The following PLA2G6 variants were observed in gnomAD, a reference collection of about 807,000 sequenced individuals.
PLA2G6 encodes 85/88 kDa calcium-independent phospholipase A2.
PLA2G6 carries 62 observed loss-of-function variants against 83.8 expected under a neutral mutation model. The observed-to-expected ratio is 0.74, with a 90% confidence interval of 0.60 to 0.91. The LOEUF is 0.91. Ranked by LOEUF, PLA2G6 falls within the 40% of genes least tolerant of loss-of-function variation. The pLI, the probability that PLA2G6 is intolerant of heterozygous loss-of-function variation, is 0.00. For synonymous variants in PLA2G6, 417 were observed against 449.8 expected (o/e 0.93, Z 0.92); for missense variants, 944 against 1,102.0 (o/e 0.86, Z 2.03).
At chr22:38,148,547 C>A (rs1329614780) in intron 2 of PLA2G6, 13 of 717,108 alleles carry the variant, frequency 1.8e-5, no homozygotes, top group Non-Finnish European at 3.4e-5. Context: ...GTGGCTGTTA[C>A]TGGAGAGGAT....
At position 38,128,894 on chromosome 22, in the gene PLA2G6, C is replaced by CACACGTGTGCACTGGCACAG; in HGVS notation, c.1187-465_1187-464insCTGTGCCAGTGCACACGTGT. Among the ~76,000 whole-genome samples, 1 of 152,258 alleles carries CACACGTGTGCACTGGCACAG rather than the reference C, an allele frequency of 6.6e-6. No individual in the cohort carries two copies. Among genetic ancestry groups the CACACGTGTGCACTGGCACAG allele is most frequent in the South Asian group, 2.1e-4 (1 of 4,836 alleles). On this transcript the variant is annotated intron_variant, in intron 8 of 16. Coordinates refer to ENST00000332509, the MANE Select transcript of PLA2G6 (RefSeq NM_003560.4). This position sits in a 1 kb window ranked among gnomAD's most constrained non-coding sequence, Gnocchi z 4.4. ...AGACACACACGTGTGCACTGGCACACACACACTGCTGCCATCAGGTACCTG... is the reference window on the plus strand; with the variant it reads ...AGACACACACGTGTGCACTGGCACACACACGTGTGCACTGGCACAGACACACTGCTGCCATCAGGTACCTG...
intron 2 of PLA2G6, among the ~76,000 whole-genome samples, chr22:38,160,885 TA>T (rs1347000005): frequency 1.3e-5 from 2 of 152,092 alleles, no homozygotes; most frequent in Non-Finnish European, 2.9e-5. Flanking sequence ...AGTTATTGGT[TA>T]CCCTTCTTTG....
chr22:38,113,651 G>C lies in PLA2G6; in HGVS notation c.2038C>G (p.Gln680Glu). The C allele has an allele frequency of 1.2e-6, 2 of 1,613,618 alleles. No homozygotes were observed. The highest frequency in any genetic ancestry group is 1.7e-6 in the Non-Finnish European group (2 of 1,179,982). Residue 680 changes from glutamine to glutamate, a missense_variant, in exon 15 of 17, where the codon CAG (glutamine) becomes GAG (glutamate). Transcript: ENST00000332509. The part of the protein sequence containing the change: ...EYNQDLIRKG[Q>E]ANKVKKLSIV... Reference sequence around the variant, plus strand: ...GAGAGTTTCTTCACCTTGTTGGCCTGACCCTGTTGGGAACAGGACAGGGGC... The same window carrying C: ...GAGAGTTTCTTCACCTTGTTGGCCTCACCCTGTTGGGAACAGGACAGGGGC...
intron 14 of PLA2G6, 103 bp downstream of exon 14, chr22:38,115,422 TAA>T: frequency 9.4e-7 from 1 of 1,061,176 alleles, no homozygotes; most frequent in Non-Finnish European, 1.4e-6. Context: ...AGTGCGTGTG[TAA>T]AAGCCACCTG....
chr22:38,169,401 T>C lies in PLA2G6; in HGVS notation c.26A>G (p.Asn9Ser), dbSNP rs149163431. ...CAAGTTGGTGACGCCACTGAAGGTA[T>C]TGACCAGGCGGCCAAAGAACTGCAT... MQFFGRLV[N>S]TFSGVTNLFS... The change falls in exon 2 of 17, where the codon AAT becomes AGT. Residue 9 changes from asparagine to serine, a missense_variant. Physicochemically the swap from Asn to Ser is conservative, Grantham distance 46. Transcript: ENST00000332509. 100 of 1,614,080 alleles carry C rather than the reference T, an allele frequency of 6.2e-5. No individual in the cohort carries two copies. The highest frequency in any genetic ancestry group is 1.0e-4 in the Admixed American group (6 of 60,000).
chr22:38,138,739 A>G (rs5750543), intron 5 of PLA2G6: 128,735 of 152,168 alleles, frequency 0.85, 55,040 homozygotes, highest in East Asian at 0.96. Flanking sequence ...GCACAATCTC[A>G]AATCACTGCA....
chr22:38,132,495 T>C lies in PLA2G6; in HGVS notation c.1077+336A>G. 1 of 439,724 alleles carries C rather than the reference T, an allele frequency of 2.3e-6. No homozygotes were observed. The highest frequency in any genetic ancestry group is 4.2e-6 in the Non-Finnish European group (1 of 239,824). The allele number at this position is 439,724 out of a possible 1,614,324, so 27.2% of individuals were successfully genotyped here. ...AGTATTGACACCACCATTTTCCAGA[T>C]GAGGAAATCGAGGCTGACAGGTGAC... On this transcript the variant is annotated intron_variant, in intron 7 of 16. Coordinates refer to ENST00000332509, the MANE Select transcript of PLA2G6 (RefSeq NM_003560.4). The surrounding 1 kb of genome is among the most constrained non-coding windows in gnomAD (Gnocchi z 5.0).
At chr22:38,126,876 G>T in intron 9 of PLA2G6, 1 of 432,278 alleles carries the variant, frequency 2.3e-6, no homozygotes, top group Non-Finnish European at 3.7e-6. Context: ...CTCTAAGAGG[G>T]TCCATAATTC....
chr22:38,178,182 G>C (rs1202714826), intron 1 of PLA2G6, among the ~76,000 whole-genome samples: 1 of 152,150 alleles, frequency 6.6e-6, no homozygotes, highest in Non-Finnish European at 1.5e-5. Context: ...CTGGTGGCAC[G>C]GTACAGTGTG....
At chr22:38,142,138 T>C (rs948062964) in intron 4 of PLA2G6, 1 of 128,932 alleles carries the variant, frequency 7.8e-6, no homozygotes, top group Non-Finnish European at 1.5e-5. Flanking sequence ...GAGGTTGCAG[T>C]GAGCCGAGAT....
At chr22:38,158,429 C>T (rs954641189) in intron 2 of PLA2G6, among the ~76,000 whole-genome samples, 2 of 152,204 alleles carry the variant, frequency 1.3e-5, no homozygotes, top group Non-Finnish European at 2.9e-5. Context: ...CCTTGGCCTC[C>T]CACAGTGCTG....
At chr22:38,163,218 G>GC (rs1490986037) in intron 2 of PLA2G6, among the ~76,000 whole-genome samples, 1 of 152,168 alleles carries the variant, frequency 6.6e-6, no homozygotes, top group East Asian at 1.9e-4. Context: ...TCCCCACAGG[G>GC]CCCCTCCTCT....
chr22:38,157,021 T>TAAGTAGAAAAACTTCA (rs1484868214), intron 2 of PLA2G6, among the ~76,000 whole-genome samples: 3 of 152,058 alleles, frequency 2.0e-5, no homozygotes, highest in African/African-American at 7.2e-5. Flanking sequence ...CTACATCAAG[T>TAAGTAGAAAAACTTCA]AAGTAGAAAA....
rs11913898 is a variant in PLA2G6 at position 38,160,706 on chromosome 22, G to A, written c.209+8512C>T. ...CTAAAATACAAAAAATTAGCCGGGCGTGGTGGCGGGCACCTGTAGTCCCAG... is the reference window on the plus strand; with the variant it reads ...CTAAAATACAAAAAATTAGCCGGGCATGGTGGCGGGCACCTGTAGTCCCAG... On this transcript the variant is annotated intron_variant, in intron 2 of 16. Coordinates refer to ENST00000332509, the MANE Select transcript of PLA2G6 (RefSeq NM_003560.4). 3.9e-5 allele frequency among the ~76,000 whole-genome samples: 6 copies of A among 152,278 alleles called. No homozygotes were observed. In the East Asian group the frequency reaches 5.8e-4, roughly 15 times the overall value.
chr22:38,134,598 C>CTATA, intron 6 of PLA2G6: 1 of 186,274 alleles, frequency 5.4e-6, no homozygotes, highest in Non-Finnish European at 1.1e-5. Context: ...CCCCCTCTCT[C>CTATA]TCTATATATA....
At chr22:38,112,877 C>T in intron 15 of PLA2G6, 1 of 535,414 alleles carries the variant, frequency 1.9e-6, no homozygotes, top group East Asian at 3.1e-5. Flanking sequence ...CTGAAGTTTC[C>T]CTCCCTCCCT....
chr22:38,176,896 A>G (rs958351781), intron 1 of PLA2G6, among the ~76,000 whole-genome samples: 1 of 152,112 alleles, frequency 6.6e-6, no homozygotes, highest in African/African-American at 2.4e-5. Flanking sequence ...TACAAAAAAA[A>G]TTAGCCTGGC....
chr22:38,170,242 G>C (rs1051548977), intron 1 of PLA2G6, among the ~76,000 whole-genome samples: 1 of 148,616 alleles, frequency 6.7e-6, no homozygotes, highest in African/African-American at 2.5e-5. Flanking sequence ...TTTCACTTCC[G>C]CAAACAAAAT....
intron 11 of PLA2G6, among the ~76,000 whole-genome samples, chr22:38,121,367 C>A (rs1182227533): frequency 3.3e-5 from 5 of 152,104 alleles, no homozygotes; most frequent in Admixed American, 1.3e-4. Flanking sequence ...CGGAGAGACT[C>A]AAAAACCACT....
Sources: allele counts gnomAD v4.1 joint callset (sites outside exome capture counted in the v4.1 genomes callset), GRCh38; gene constraint gnomAD v4.1.1; non-coding constraint Gnocchi (gnomAD v3.1); transcripts MANE v1.5; gene names NCBI Gene and HGNC (gene_info 2026-07-23, HGNC 2026-07-21).